Variants in ZNF710 observed in about 807,000 individuals in gnomAD.
ZNF710 encodes the protein zinc finger protein 710.
A neutral mutation model predicts 50.6 loss-of-function variants in ZNF710; 13 were observed. The ratio of observed to expected loss-of-function variants is 0.26; its 90% CI spans 0.17 to 0.41. ZNF710 has a LOEUF of 0.41. Among genes scored for constraint, ZNF710 ranks in the 10% least tolerant of loss-of-function variants. The pLI is 1.00. For synonymous variants in ZNF710, 383 were observed against 397.0 expected (o/e 0.96, Z 0.42); for missense variants, 721 against 936.6 (o/e 0.77, Z 3.01).
intron 1 of ZNF710, among the ~76,000 whole-genome samples, chr15:90,010,349 G>A (rs1376512226): frequency 6.6e-6 from 1 of 152,124 alleles, no homozygotes; most frequent in Non-Finnish European, 1.5e-5. Context: ...GAGTGCAGTG[G>A]CAGATCTCAG....
chr15:90,074,403 G>A, intron 4 of ZNF710, 113 bp downstream of exon 4: 1 of 1,563,378 alleles, frequency 6.4e-7, no homozygotes, highest in Non-Finnish European at 8.6e-7. Flanking sequence ...AGACTTCGTT[G>A]GGGTGGGCTC....
rs761562425 is a variant in ZNF710 at position 90,034,193 on chromosome 15, G to C, written c.-29+32579G>C. Among the ~76,000 whole-genome samples the C allele has an allele frequency of 1.4e-5, 2 of 146,654 alleles. No individual in the cohort carries two copies. Among genetic ancestry groups the C allele is most frequent in the Non-Finnish European group, 3.0e-5 (2 of 67,474 alleles). ...AGCCTGGGTGACAGAGTGAGACTCTGTCTCAAAAAAAAAGAAAAGAAAAGA... is the reference window on the plus strand; with the variant it reads ...AGCCTGGGTGACAGAGTGAGACTCTCTCTCAAAAAAAAAGAAAAGAAAAGA... On this transcript the variant is annotated intron_variant, in intron 1 of 4. Coordinates refer to ENST00000268154, the MANE Select transcript of ZNF710 (RefSeq NM_198526.4). The surrounding 1 kb of genome is among the most constrained non-coding windows in gnomAD (Gnocchi z 4.0).
At chr15:90,018,350 G>C (rs537654839) in intron 1 of ZNF710, among the ~76,000 whole-genome samples, 6 of 151,942 alleles carry the variant, frequency 3.9e-5, no homozygotes, top group African/African-American at 4.8e-5. Context: ...TGTATTTTTA[G>C]TAGAGCCGGG....
At chr15:90,055,635 G>A (rs949491461) in intron 1 of ZNF710, among the ~76,000 whole-genome samples, 9 of 152,236 alleles carry the variant, frequency 5.9e-5, no homozygotes, top group Non-Finnish European at 1.2e-4. Context: ...GGACAGCTGC[G>A]TGGCAGAACT....
At chr15:90,058,701 T>TA (rs1567236919) in intron 1 of ZNF710, among the ~76,000 whole-genome samples, 4 of 143,552 alleles carry the variant, frequency 2.8e-5, no homozygotes, top group African/African-American at 1.1e-4. Context: ...CACTATATAT[T>TA]TATATATATA....
chr15:90,064,238 G>T (rs1182158627), intron 1 of ZNF710, among the ~76,000 whole-genome samples: 1 of 152,244 alleles, frequency 6.6e-6, no homozygotes, highest in Admixed American at 6.5e-5. Context: ...GGCACTGGGG[G>T]TGGCTGTGGT....
rs773312887 is a variant in ZNF710 at position 90,067,897 on chromosome 15, T to C, written c.760T>C (p.Phe254Leu). ...QGFVWQEASE[F>L]EADTAGSTVE... Reference sequence around the variant, plus strand: ...CTTCGTGTGGCAGGAGGCCAGTGAGTTCGAGGCTGACACGGCGGGTTCGAC... The same window carrying C: ...CTTCGTGTGGCAGGAGGCCAGTGAGCTCGAGGCTGACACGGCGGGTTCGAC... The change falls in exon 2 of 5, where the codon TTC becomes CTC. Residue 254 changes from phenylalanine (F) to leucine (L), a missense_variant. Physicochemically the swap from Phe to Leu is conservative, Grantham distance 22. Coordinates refer to ENST00000268154, the MANE Select transcript of ZNF710 (RefSeq NM_198526.4). The surrounding 1 kb of genome is among the most constrained non-coding windows in gnomAD (Gnocchi z 8.1). The C allele has an allele frequency of 6.2e-7, 1 of 1,612,858 alleles. No individual in the cohort carries two copies. The highest frequency in any genetic ancestry group is 2.2e-5 in the East Asian group (1 of 44,848).
intron 1 of ZNF710, among the ~76,000 whole-genome samples, chr15:90,021,748 A>T (rs1302027127): frequency 2.0e-5 from 3 of 152,114 alleles, no homozygotes; most frequent in African/African-American, 7.2e-5. Flanking sequence ...TGTAGGGAAG[A>T]CTGCTTGGTG....
At chr15:90,002,866 AT>A (rs1898049626) in intron 1 of ZNF710, among the ~76,000 whole-genome samples, 1 of 152,136 alleles carries the variant, frequency 6.6e-6, no homozygotes, top group African/African-American at 2.4e-5. Flanking sequence ...GCGTAGCAGT[AT>A]CCGGGGTGCC....
At chr15:90,057,723 T>TAATA (rs933717391) in intron 1 of ZNF710, among the ~76,000 whole-genome samples, 2 of 148,992 alleles carry the variant, frequency 1.3e-5, no homozygotes, top group Non-Finnish European at 1.5e-5. Flanking sequence ...ATAATAATAA[T>TAATA]AATTTGGAGA....
In ZNF710 at chr15:90,073,211, T is replaced by G; in HGVS notation, c.1599T>G (p.Thr533=). The G allele has an allele frequency of 6.2e-7, 1 of 1,614,140 alleles. No homozygotes were observed. Residue 533 remains threonine, a synonymous_variant, in exon 3 of 5, where the codon ACT becomes ACG. Transcript: ENST00000268154. ...TCAAGACCTTTGTACAGAAGCAGAC[T>G]CTCAAGACCCACATGATTGTACACT... The part of the protein sequence containing the change: ...ICFKTFVQKQ[T]LKTHMIVHSP...
chr15:90,053,115 T>A (rs139730301), intron 1 of ZNF710, among the ~76,000 whole-genome samples: 1 of 152,208 alleles, frequency 6.6e-6, no homozygotes, highest in Non-Finnish European at 1.5e-5. Context: ...GGAAAGCCCA[T>A]GAATTTTGCT....
In ZNF710 at chr15:90,049,631, C is replaced by T. The variant is rs528498054; in HGVS notation, c.-28-17479C>T. Among the ~76,000 whole-genome samples the T allele has an allele frequency of 5.3e-5, 8 of 152,296 alleles. No homozygotes were observed. The South Asian group carries it at 1.7e-3, about 32-fold the overall frequency. ...AGAGGAAACTAGTTCCTGCTCTGGG[C>T]TGAGCTGACCACGTTGGGTACCCTC... On this transcript the variant is annotated intron_variant, in intron 1 of 4. Coordinates refer to ENST00000268154, the MANE Select transcript of ZNF710 (RefSeq NM_198526.4).
intron 1 of ZNF710, among the ~76,000 whole-genome samples, chr15:90,041,043 G>A (rs759946635): frequency 3.0e-4 from 46 of 152,158 alleles, no homozygotes; most frequent in African/African-American, 1.0e-3. Flanking sequence ...TTCTCACTGC[G>A]TTACTTTTCT....
intron 1 of ZNF710, among the ~76,000 whole-genome samples, chr15:90,037,850 C>A (rs1419441541): frequency 9.9e-5 from 15 of 152,174 alleles, no homozygotes; most frequent in Admixed American, 9.8e-4. Flanking sequence ...ATAGAGTATT[C>A]TAATACGGTC....
rs879178975 is a variant in ZNF710, at chr15:90,067,134, C to T, written c.-4C>T. 3 of 1,586,556 alleles carry T rather than the reference C, an allele frequency of 1.9e-6. No homozygotes were observed. Among genetic ancestry groups the T allele is most frequent in the Non-Finnish European group, 1.7e-6 (2 of 1,164,220 alleles). ...GCGATGCCCTCCTAGCTAGCCGTCA[C>T]GGGATGGAGGGCTTCATGGACTCAG... On this transcript the variant is annotated 5_prime_UTR_variant, in exon 2 of 5. The change creates a new upstream start codon in the 5' untranslated region. Transcript: ENST00000268154. This position sits in a 1 kb window ranked among gnomAD's most constrained non-coding sequence, Gnocchi z 8.1.
intron 1 of ZNF710, among the ~76,000 whole-genome samples, chr15:90,030,234 C>T (rs1898892766): frequency 7.7e-6 from 1 of 130,182 alleles, no homozygotes; most frequent in Admixed American, 9.5e-5. Flanking sequence ...GAGGCTGAGG[C>T]AGGAAAATCA....
At chr15:90,042,734 C>A (rs1899336244) in intron 1 of ZNF710, among the ~76,000 whole-genome samples, 1 of 152,188 alleles carries the variant, frequency 6.6e-6, no homozygotes, top group Non-Finnish European at 1.5e-5. Context: ...GGGAGACACA[C>A]GGTCACTAGA....
intron 1 of ZNF710, among the ~76,000 whole-genome samples, chr15:90,005,147 CTT>C (rs926609684): frequency 6.6e-6 from 1 of 152,194 alleles, no homozygotes; most frequent in African/African-American, 2.4e-5. Flanking sequence ...GGGTAGACGT[CTT>C]TGCTTTGTTC....
Sources: gnomAD v4.1 joint callset for allele counts (sites outside exome capture counted in the v4.1 genomes callset) on GRCh38, gnomAD v4.1.1 for gene constraint, Gnocchi (gnomAD v3.1) non-coding constraint, MANE v1.5 for transcripts, NCBI Gene and HGNC (gene_info 2026-07-23, HGNC 2026-07-21) for gene names.